DDX20: variants seen among roughly 807,000 people sequenced by gnomAD.
DDX20 encodes the protein DEAD-box helicase 20, also known as probable ATP-dependent RNA helicase DDX20.
In DDX20, 61 loss-of-function variants were observed where a neutral mutation model predicts 76.4. The ratio of observed to expected loss-of-function variants is 0.80; its 90% CI spans 0.65 to 0.99. DDX20 has a LOEUF of 0.99. Ranked by LOEUF, DDX20 falls within the 50% of genes least tolerant of loss-of-function variation. The pLI is 0.00. For synonymous variants in DDX20, 357 were observed against 357.4 expected, an observed-to-expected ratio of 1.00 and a Z score of 0.01; for missense variants, 976 against 996.8, an observed-to-expected ratio of 0.98 and a Z score of 0.28.
In DDX20 at chr1:111,767,304, A is replaced by G. The variant is rs17504173; in HGVS notation, c.*405A>G. 0.036 allele frequency: 5,641 copies of G among 158,036 alleles called. 145 individuals carry two copies. Among genetic ancestry groups the G allele is most frequent in the East Asian group, 0.072 (394 of 5,438 alleles). The allele number at this position is 158,036 out of a possible 1,614,324, so 9.8% of individuals were successfully genotyped here. On this transcript the variant is annotated 3_prime_UTR_variant, in exon 11 of 11. Transcript: ENST00000369702. ...GTTCTTTACAAAGGGCTTAGGCTGC[A>G]TTTCCTTCTATAGAGGTGCATTCTT...
chr1:111,760,445 A>G, intron 3 of DDX20, 29 bp from the exon 4 acceptor site: 1 of 1,452,962 alleles, frequency 6.9e-7, no homozygotes. Context: ...GGTACATCAT[A>G]AATATTTCAA....
intron 8 of DDX20, 42 bp from the exon 9 acceptor site, chr1:111,762,635 T>C (rs2101421944): frequency 6.8e-7 from 1 of 1,477,802 alleles, no homozygotes; most frequent in Middle Eastern, 1.7e-4. Flanking sequence ...CCATGCTGTA[T>C]AGTTAATGCA....
chr1:111,757,574 T>C (rs1053064719), intron 2 of DDX20, among the ~76,000 whole-genome samples: 1 of 152,212 alleles, frequency 6.6e-6, no homozygotes, highest in Non-Finnish European at 1.5e-5. Context: ...CCTTACTTGG[T>C]AGTTTAGTTG....
intron 3 of DDX20, 103 bp from the exon 4 acceptor site, chr1:111,760,371 T>A: frequency 1.3e-6 from 1 of 794,230 alleles, no homozygotes; most frequent in Non-Finnish European, 2.0e-6. Flanking sequence ...AATCAGGAAA[T>A]TCAGCAGAAC....
chr1:111,759,973 CAAAAAA>C (rs754870294), intron 3 of DDX20, among the ~76,000 whole-genome samples: 1 of 57,620 alleles, frequency 1.7e-5, no homozygotes. Context: ...GACTCCATCT[CAAAAAA>C]AAAAAAAAAA....
In DDX20 at chr1:111,762,749, T is replaced by C. The variant is rs772184099; in HGVS notation, c.1177T>C (p.Tyr393His). The C allele has an allele frequency of 1.9e-6, 3 of 1,612,270 alleles. No individual in the cohort carries two copies. The highest frequency in any genetic ancestry group is 1.3e-5 in the African/African-American group (1 of 74,284). Residue 393 changes from tyrosine to histidine, a missense_variant, in exon 9 of 11, where the codon TAC becomes CAC. Transcript: ENST00000369702. ...GGATGTACCATTGGATTGGGAGACA[T>C]ACATGCATCGGATTGGGAGAGCTGG... ...NLDVPLDWET[Y>H]MHRIGRAGRF...
At position 111,766,644 on chromosome 1, in the gene DDX20, G is replaced by A. The variant is rs114601570; in HGVS notation, c.2220G>A (p.Arg740=). Reference sequence around the variant, plus strand: ...AGCAGAGCCGGAGAAACCTACCCAGGCGGTCTTCCTTCAGATTGCAGACTG... The same window carrying A: ...AGCAGAGCCGGAGAAACCTACCCAGACGGTCTTCCTTCAGATTGCAGACTG... ...RAKQSRRNLP[R]RSSFRLQTEA... Residue 740 remains arginine (R), a synonymous_variant, in exon 11 of 11, where the codon AGG becomes AGA. Coordinates refer to ENST00000369702, the MANE Select transcript of DDX20 (RefSeq NM_007204.5). 5.6e-6 allele frequency: 9 copies of A among 1,614,040 alleles called. No homozygotes were observed. The African/African-American group carries it at 1.1e-4, about 19-fold the overall frequency.
Position 111,766,174 on chromosome 1 carries a change from C to G in DDX20, c.1750C>G (p.His584Asp), listed in dbSNP as rs781254695. Reference sequence around the variant, plus strand: ...TCCTTGTCTGTCTTCCTTTAAAATCCATCAGCCATACACGTTGACTTTTGC... The same window carrying G: ...TCCTTGTCTGTCTTCCTTTAAAATCGATCAGCCATACACGTTGACTTTTGC... ...QIPCLSSFKI[H>D]QPYTLTFAEL... The change falls in exon 11 of 11, where the codon CAT becomes GAT. Residue 584 changes from histidine to aspartate, a missense_variant. Transcript: ENST00000369702. 6.2e-7 allele frequency: 1 copy of G among 1,614,206 alleles called. No individual in the cohort carries two copies. The highest frequency in any genetic ancestry group is 2.2e-5 in the East Asian group (1 of 44,884).
chr1:111,760,715 T>C lies in DDX20; in HGVS notation c.690T>C (p.Tyr230=). The change falls in exon 5 of 11, where the codon TAT becomes TAC. Residue 230 remains tyrosine, a synonymous_variant. Coordinates refer to ENST00000369702, the MANE Select transcript of DDX20 (RefSeq NM_007204.5). ...TGTTTTTATTTTGCAGTTGGATTTA[T>C]TCTTCCTTGCCTGCCAGTAAACAGA... ...GSFQEQINWI[Y]SSLPASKQML... 1 of 1,608,080 alleles carries C rather than the reference T, an allele frequency of 6.2e-7. No homozygotes were observed. Among genetic ancestry groups the C allele is most frequent in the Non-Finnish European group, 8.5e-7 (1 of 1,178,426 alleles).
At chr1:111,756,820 A>AG in intron 2 of DDX20, 80 bp downstream of exon 2, 2 of 1,160,102 alleles carry the variant, frequency 1.7e-6, no homozygotes, top group Non-Finnish European at 2.6e-6. Context: ...GTAGCTCCTC[A>AG]GAGCTGGAAG....
chr1:111,756,224 C>A lies in DDX20; in HGVS notation c.300C>A (p.Leu100=). The change falls in exon 1 of 11, where the codon CTC becomes CTA. Residue 100 remains leucine (L), a splice_region_variant and synonymous_variant. Coordinates refer to ENST00000369702, the MANE Select transcript of DDX20 (RefSeq NM_007204.5). ...LKAIPLGRCG[L]DLIVQAKSGT... is the part of the protein sequence containing the mutation. The stretch of plus-strand genomic sequence containing the variant: ...CCATCCCGTTGGGGCGCTGCGGGCT[C>A]GGTGAGAGCGGGGGCCCGGGATAGG... 1 of 1,180,042 alleles carries A rather than the reference C, an allele frequency of 8.5e-7. No individual in the cohort carries two copies. The highest frequency in any genetic ancestry group is 1.1e-6 in the Non-Finnish European group (1 of 917,644). The allele number at this position is 1,180,042 out of a possible 1,614,324, so 73.1% of individuals were successfully genotyped here.
rs147141523 is a variant in DDX20 at position 111,755,959 on chromosome 1, C to T, written c.35C>T (p.Ala12Val). ...GCATTTGAAGCCTCGGGAGCCTTAGCAGCAGTGGCGACTGCTATGCCGGCT... is the reference window on the plus strand; with the variant it reads ...GCATTTGAAGCCTCGGGAGCCTTAGTAGCAGTGGCGACTGCTATGCCGGCT... Reference protein sequence around the residue: ...AAAFEASGALAAVATAMPAEH... With the variant: ...AAAFEASGALVAVATAMPAEH... Residue 12 changes from alanine (A) to valine (V), a missense_variant, in exon 1 of 11, where the codon GCA becomes GTA. This residue lies in a region of DDX20 where 343 missense variants were observed against 286.4 expected (regional missense o/e 1.20). Coordinates refer to ENST00000369702, the MANE Select transcript of DDX20 (RefSeq NM_007204.5). 928 of 1,591,826 alleles carry T rather than the reference C, an allele frequency of 5.8e-4. 1 individual carries two copies. The highest frequency in any genetic ancestry group is 7.2e-4 in the Non-Finnish European group (844 of 1,164,830).
In DDX20 at chr1:111,762,622, T is replaced by C. The variant is rs191486012; in HGVS notation, c.1105-55T>C. ...ACTGGAAGAATATAATATGCATTGG[T>C]ATCCATGCTGTATAGTTAATGCAAA... On this transcript the variant is annotated intron_variant, in intron 8 of 10. Coordinates refer to ENST00000369702, the MANE Select transcript of DDX20 (RefSeq NM_007204.5). 4.2e-5 allele frequency: 58 copies of C among 1,375,906 alleles called. No homozygotes were observed. In the Middle Eastern group the frequency reaches 5.3e-4, roughly 13 times the overall value. 85.2% of individuals were successfully genotyped at this position (1,375,906 alleles called of 1,614,324 possible). A position where few individuals can be genotyped will look rare whatever the true frequency, so the allele number is the denominator to read the frequency against.
In DDX20 at chr1:111,755,921, T is replaced by A; in HGVS notation, c.-4T>A. ...GCACCGCGAGATCTGACGGCGCGGC[T>A]ACCATGGCGGCGGCATTTGAAGCCT... On this transcript the variant is annotated 5_prime_UTR_variant, in exon 1 of 11. Transcript: ENST00000369702. The A allele has an allele frequency of 1.9e-6, 3 of 1,568,710 alleles. No homozygotes were observed. The highest frequency in any genetic ancestry group is 2.6e-6 in the Non-Finnish European group (3 of 1,153,186).
In DDX20 at chr1:111,763,013, T is replaced by C; in HGVS notation, c.1312+6T>C. On this transcript the variant is annotated splice_donor_region_variant and intron_variant, in intron 10 of 10. Coordinates refer to ENST00000369702, the MANE Select transcript of DDX20 (RefSeq NM_007204.5). ...CAACCTTCTCCCTTTACCAGGTACA[T>C]TTCATCTGTTTCATTATTTCAAAAT... 1 of 1,577,868 alleles carries C rather than the reference T, an allele frequency of 6.3e-7. No homozygotes were observed. Among genetic ancestry groups the C allele is most frequent in the Non-Finnish European group, 8.7e-7 (1 of 1,148,052 alleles).
intron 8 of DDX20, 67 bp downstream of exon 8, chr1:111,762,404 A>G: frequency 7.9e-7 from 1 of 1,266,286 alleles, no homozygotes. Flanking sequence ...AGATGTACAG[A>G]TTTCATATAT....
chr1:111,759,486 G>A lies in DDX20; in HGVS notation c.483G>A (p.Glu161=). The change falls in exon 3 of 11, where the codon GAG becomes GAA. Residue 161 remains glutamate, a synonymous_variant. Transcript: ENST00000369702. ...TTGGAATAAAAATGGAAGGCTTAGAGTGTCATGTCTTTATTGGAGGGACCC... is the reference window on the plus strand; with the variant it reads ...TTGGAATAAAAATGGAAGGCTTAGAATGTCATGTCTTTATTGGAGGGACCC... ...TAIGIKMEGL[E]CHVFIGGTPL... 2 of 1,613,828 alleles carry A rather than the reference G, an allele frequency of 1.2e-6. No homozygotes were observed. Among genetic ancestry groups the A allele is most frequent in the Non-Finnish European group, 1.7e-6 (2 of 1,179,814 alleles).
intron 2 of DDX20, 139 bp from the exon 3 acceptor site, chr1:111,759,261 A>T: frequency 2.9e-6 from 2 of 694,568 alleles, no homozygotes; most frequent in South Asian, 5.5e-5. Flanking sequence ...ACCAAGGGAT[A>T]ACTGTACCTT....
chr1:111,767,484 T>C lies in DDX20; in HGVS notation c.*585T>C, dbSNP rs1663806513. ...TTTTTAGTAAAAACAAATTTAAATA[T>C]ATTTACATGTTTGTTGTTTATCTTT... is the stretch of plus-strand genomic sequence containing the variant. On this transcript the variant is annotated 3_prime_UTR_variant, in exon 11 of 11. Transcript: ENST00000369702. 1 of 152,268 alleles carries C rather than the reference T, an allele frequency of 6.6e-6. No homozygotes were observed. The highest frequency in any genetic ancestry group is 1.5e-5 in the Non-Finnish European group (1 of 68,068). 9.4% of individuals were successfully genotyped at this position (152,268 alleles called of 1,614,324 possible).
Sources: allele counts gnomAD v4.1 joint callset (sites outside exome capture counted in the v4.1 genomes callset), GRCh38; gene constraint gnomAD v4.1.1; regional missense constraint gnomAD v4.1.1; transcripts MANE v1.5; gene names NCBI Gene and HGNC (gene_info 2026-07-23, HGNC 2026-07-21).